MYO5C: variants seen among roughly 807,000 people sequenced by gnomAD.
MYO5C encodes unconventional myosin-Vc.
A neutral mutation model predicts 235.7 loss-of-function variants in MYO5C; 194 were observed. That is an observed-to-expected ratio of 0.82 (90% confidence interval 0.73 to 0.93). The LOEUF (loss-of-function observed/expected upper bound fraction) is 0.93, where lower values mean the gene tolerates loss of function less well. Ranked by LOEUF, MYO5C falls within the 40% of genes least tolerant of loss-of-function variation. MYO5C has a pLI of 0.00. For synonymous variants in MYO5C, 707 were observed against 754.8 expected, an observed-to-expected ratio of 0.94 and a Z score of 1.04; for missense variants, 2,038 against 2,127.2, an observed-to-expected ratio of 0.96 and a Z score of 0.82.
chr15:52,209,783 C>T (rs1305279918), intron 35 of MYO5C, among the ~76,000 whole-genome samples: 1 of 152,090 alleles, frequency 6.6e-6, no homozygotes, highest in Non-Finnish European at 1.5e-5. Flanking sequence ...ACTGTGGTGG[C>T]TCCTGTGAAG....
chr15:52,248,428 G>T (rs984020232), intron 14 of MYO5C, among the ~76,000 whole-genome samples: 1 of 152,196 alleles, frequency 6.6e-6, no homozygotes, highest in Non-Finnish European at 1.5e-5. Flanking sequence ...TTACAGGCGT[G>T]AGCCACCACG....
chr15:52,252,818 C>T (rs931056504), intron 12 of MYO5C, among the ~76,000 whole-genome samples: 2 of 152,002 alleles, frequency 1.3e-5, no homozygotes, highest in Non-Finnish European at 2.9e-5. Context: ...TATTAATCCT[C>T]ACTTTGGGAT....
intron 13 of MYO5C, among the ~76,000 whole-genome samples, chr15:52,250,058 A>C: frequency 6.6e-6 from 1 of 152,058 alleles, no homozygotes; most frequent in East Asian, 1.9e-4. Flanking sequence ...AAGAAATCCC[A>C]TATGTGCTTT....
chr15:52,238,250 G>A (rs1432494065), intron 21 of MYO5C, among the ~76,000 whole-genome samples: 1 of 152,188 alleles, frequency 6.6e-6, no homozygotes, highest in Non-Finnish European at 1.5e-5. Flanking sequence ...AAGCCACCCA[G>A]TCAGTGATAC....
In MYO5C at chr15:52,245,336, G is replaced by C. The variant is rs371108028; in HGVS notation, c.2178+18C>G. 1.3e-6 allele frequency: 2 copies of C among 1,521,022 alleles called. No homozygotes were observed. Among genetic ancestry groups the C allele is most frequent in the East Asian group, 4.5e-5 (2 of 44,466 alleles). 94.2% of individuals were successfully genotyped at this position (1,521,022 alleles called of 1,614,324 possible). On this transcript the variant is annotated intron_variant, in intron 18 of 40. Transcript: ENST00000261839. ...TTCCAGGAAGGAGACCATGATCCCA[G>C]GAGGTGGGGAAACTGACCTGGATGA...
chr15:52,221,145 A>T lies in MYO5C; in HGVS notation c.3721+17T>A. 1 of 1,596,978 alleles carries T rather than the reference A, an allele frequency of 6.3e-7. No individual in the cohort carries two copies. Among genetic ancestry groups the T allele is most frequent in the Non-Finnish European group, 8.6e-7 (1 of 1,168,536 alleles). Reference sequence around the variant, plus strand: ...GAAACCGTTTTCTAAAAGCAGGTTAATGAGGGTTTCAGTTACCTTTCATTT... The same window carrying T: ...GAAACCGTTTTCTAAAAGCAGGTTATTGAGGGTTTCAGTTACCTTTCATTT... On this transcript the variant is annotated intron_variant, in intron 30 of 40. Coordinates refer to ENST00000261839, the MANE Select transcript of MYO5C (RefSeq NM_018728.4).
At chr15:52,270,208 G>C in intron 7 of MYO5C, among the ~76,000 whole-genome samples, 1 of 152,174 alleles carries the variant, frequency 6.6e-6, no homozygotes, top group East Asian at 1.9e-4. Context: ...CTTGAGCCCA[G>C]GAGTTCGAGG....
rs1388404232 is a variant in MYO5C, at chr15:52,279,973, CA to C, written c.139-300del. Among the ~76,000 whole-genome samples, 3 of 152,234 alleles carry C rather than the reference CA, an allele frequency of 2.0e-5. No homozygotes were observed. The East Asian group carries it at 5.8e-4, about 29-fold the overall frequency. The stretch of plus-strand genomic sequence containing the variant: ...GGGGTCCTTAGATCTACAGAGGCCT[CA>C]ATAAGGAGTGTTGGGGAAGCTACAA... On this transcript the variant is annotated intron_variant, in intron 2 of 40. Coordinates refer to ENST00000261839, the MANE Select transcript of MYO5C (RefSeq NM_018728.4).
At chr15:52,294,957 G>A (rs2037466814) in intron 1 of MYO5C, among the ~76,000 whole-genome samples, 1 of 152,232 alleles carries the variant, frequency 6.6e-6, no homozygotes, top group Non-Finnish European at 1.5e-5. Flanking sequence ...GCACCTCGTG[G>A]CCCCTGGGCT....
intron 23 of MYO5C, 89 bp from the exon 24 acceptor site, chr15:52,232,774 G>T: frequency 1.8e-6 from 2 of 1,131,518 alleles, no homozygotes; most frequent in Non-Finnish European, 2.7e-6. Flanking sequence ...AGAATGTCAG[G>T]ACAATCATGT....
chr15:52,256,783 G>T, intron 10 of MYO5C, 63 bp from the exon 11 acceptor site: 1 of 1,292,626 alleles, frequency 7.7e-7, no homozygotes, highest in Non-Finnish European at 1.1e-6. Flanking sequence ...TTTGTTTATA[G>T]ATATTTTTTG....
rs1341503064 is a variant in MYO5C at position 52,271,821 on chromosome 15, G to A, written c.774C>T (p.His258=). 6.3e-7 allele frequency: 1 copy of A among 1,585,130 alleles called. No individual in the cohort carries two copies. The highest frequency in any genetic ancestry group is 1.7e-5 in the Admixed American group (1 of 58,802). Residue 258 remains histidine (H), a synonymous_variant, in exon 7 of 41, where the codon CAC becomes CAT. Coordinates refer to ENST00000261839, the MANE Select transcript of MYO5C (RefSeq NM_018728.4). ...CAGATGCACAAAGCTGATAGAAAAT[G>A]TGGTAATTTCGTTCATTTTCCGACT... ...VFQSENERNY[H]IFYQLCASAQ... is the part of the protein sequence containing the mutation.
At chr15:52,232,492 C>T in intron 24 of MYO5C, 130 bp downstream of exon 24, 1 of 818,778 alleles carries the variant, frequency 1.2e-6, no homozygotes, top group Non-Finnish European at 2.1e-6. Context: ...AATCTCTAAT[C>T]TCACTTCCTA....
chr15:52,208,492 C>A lies in MYO5C; in HGVS notation c.4386+62G>T, dbSNP rs1029486188. ...GGATAGAGGCTCTATTGAGCTCTGGCTCAGGAGGAGGTTATAGACTGGCTG... is the reference window on the plus strand; with the variant it reads ...GGATAGAGGCTCTATTGAGCTCTGGATCAGGAGGAGGTTATAGACTGGCTG... On this transcript the variant is annotated intron_variant, in intron 36 of 40. Transcript: ENST00000261839. The A allele has an allele frequency of 3.4e-6, 5 of 1,491,248 alleles. No homozygotes were observed. In the African/African-American group the frequency reaches 5.5e-5, roughly 17 times the overall value. 92.4% of individuals were successfully genotyped at this position (1,491,248 alleles called of 1,614,324 possible). A position where few individuals can be genotyped will look rare whatever the true frequency, so the allele number is the denominator to read the frequency against.
chr15:52,202,561 AG>A, intron 38 of MYO5C, among the ~76,000 whole-genome samples: 1 of 152,166 alleles, frequency 6.6e-6, no homozygotes, highest in Non-Finnish European at 1.5e-5. Context: ...TGAGGGAGTG[AG>A]AACTGAGTTT....
At chr15:52,238,431 C>T (rs2036137325) in intron 21 of MYO5C, among the ~76,000 whole-genome samples, 1 of 152,192 alleles carries the variant, frequency 6.6e-6, no homozygotes, top group African/African-American at 2.4e-5. Context: ...GGAAACCCCA[C>T]CAGACACCAA....
chr15:52,243,453 CTGT>C (rs1298139510), intron 19 of MYO5C: 1 of 152,368 alleles, frequency 6.6e-6, no homozygotes, highest in Admixed American at 6.5e-5. Flanking sequence ...CCAAAGACTG[CTGT>C]TATCAACTGG....
chr15:52,274,851 A>G (rs1192457660), intron 5 of MYO5C, among the ~76,000 whole-genome samples: 1 of 152,234 alleles, frequency 6.6e-6, no homozygotes, highest in Admixed American at 6.5e-5. Context: ...TTGAGAAAAC[A>G]GGGAGAAGAG....
In MYO5C at chr15:52,229,215, T is replaced by A. The variant is rs1450445712; in HGVS notation, c.3125A>T (p.Gln1042Leu). 1.7e-5 allele frequency: 28 copies of A among 1,614,138 alleles called. No individual in the cohort carries two copies. The highest frequency in any genetic ancestry group is 2.1e-5 in the Non-Finnish European group (25 of 1,180,052). ...CTCCCCCTCCACCAGGTGTTGGAGT[T>A]GCATCTTCTCATCCTTGAGAGCTTT... is the stretch of plus-strand genomic sequence containing the variant. ...EIKALKDEKM[Q>L]LQHLVEGEHV... is the part of the protein sequence containing the mutation. Residue 1042 changes from glutamine to leucine, a missense_variant, in exon 25 of 41, where the codon CAA becomes CTA. Gln to Leu is a moderately radical substitution (Grantham distance 113). Transcript: ENST00000261839.
Sources: gnomAD v4.1 joint callset for allele counts (sites outside exome capture counted in the v4.1 genomes callset) on GRCh38, gnomAD v4.1.1 for gene constraint, MANE v1.5 for transcripts, NCBI Gene and HGNC (gene_info 2026-07-23, HGNC 2026-07-21) for gene names.